NREP: variants seen among roughly 807,000 people sequenced by gnomAD.
NREP encodes the protein neuronal regeneration-related protein.
Under a neutral mutation model 8.6 loss-of-function variants are expected in NREP, and 5 were observed. The ratio of observed to expected loss-of-function variants is 0.58; its 90% CI spans 0.30 to 1.22. The LOEUF (loss-of-function observed/expected upper bound fraction) is 1.22, where lower values mean the gene tolerates loss of function less well. Among genes scored for constraint, NREP ranks in the 50% most tolerant of loss-of-function variants. The probability of loss-of-function intolerance (pLI) is 0.07; values close to 1 mark genes in which losing one functional copy is unlikely to be tolerated. For missense variants in NREP, 86 were observed against 82.5 expected, an observed-to-expected ratio of 1.04 and a Z score of -0.17; for synonymous variants, 27 against 28.0, an observed-to-expected ratio of 0.96 and a Z score of 0.11.
chr5:111,870,553 C>A (rs1410660021), intron 2 of NREP, among the ~76,000 whole-genome samples: 1 of 152,144 alleles, frequency 6.6e-6, no homozygotes, highest in Non-Finnish European at 1.5e-5. Context: ...TTCGGTATGT[C>A]TGGATTGGTT....
intron 2 of NREP, among the ~76,000 whole-genome samples, chr5:111,821,009 T>C (rs1236476829): frequency 6.6e-6 from 1 of 152,196 alleles, no homozygotes; most frequent in African/African-American, 2.4e-5. Context: ...GAATCCCCAG[T>C]CTTTCAGATT....
At chr5:111,955,171 G>T (rs549993982) in intron 2 of NREP, among the ~76,000 whole-genome samples, 1 of 152,208 alleles carries the variant, frequency 6.6e-6, no homozygotes, top group East Asian at 1.9e-4. Context: ...AAAAGGTTAT[G>T]GTGAGAGCCA....
intron 2 of NREP, among the ~76,000 whole-genome samples, chr5:111,898,823 G>C (rs1036519127): frequency 7.9e-5 from 12 of 152,090 alleles, no homozygotes; most frequent in Non-Finnish European, 1.8e-4. Flanking sequence ...AACACAAAGA[G>C]AATTCTGAAA....
rs1338362073 is a variant in NREP at position 111,730,161 on chromosome 5, G to C, written c.*760C>G. 6.6e-6 allele frequency: 1 copy of C among 152,510 alleles called. No homozygotes were observed. The highest frequency in any genetic ancestry group is 1.5e-5 in the Non-Finnish European group (1 of 68,034). The allele number at this position is 152,510 out of a possible 1,614,324, so 9.4% of individuals were successfully genotyped here. ...GTGAGCGCCAGCCAACGAGACAATGGTCTCTCACACTCTGGTAGCATTCGC... is the reference window on the plus strand; with the variant it reads ...GTGAGCGCCAGCCAACGAGACAATGCTCTCTCACACTCTGGTAGCATTCGC... On this transcript the variant is annotated 3_prime_UTR_variant, in exon 4 of 4. Transcript: ENST00000257435.
At chr5:111,891,877 C>T (rs945633470) in intron 2 of NREP, among the ~76,000 whole-genome samples, 1 of 152,196 alleles carries the variant, frequency 6.6e-6, no homozygotes, top group African/African-American at 2.4e-5. Context: ...CACCTCCCCT[C>T]AAGCCCCACT....
At chr5:111,734,658 G>T in intron 3 of NREP, 1 of 672,028 alleles carries the variant, frequency 1.5e-6, no homozygotes, top group Non-Finnish European at 2.7e-6. Context: ...TAACAGCTGG[G>T]GGAGGACTCA....
intron 2 of NREP, among the ~76,000 whole-genome samples, chr5:111,866,157 T>C (rs562483052): frequency 6.6e-6 from 1 of 152,252 alleles, no homozygotes; most frequent in South Asian, 2.1e-4. Context: ...AAATGGGATC[T>C]AATTAAACTA....
At chr5:111,875,886 C>T (rs577067576) in intron 2 of NREP, among the ~76,000 whole-genome samples, 8 of 152,204 alleles carry the variant, frequency 5.3e-5, no homozygotes, top group Non-Finnish European at 1.5e-5. Context: ...ATAGCTCTCT[C>T]CTACAGAGAG....
intron 2 of NREP, among the ~76,000 whole-genome samples, chr5:111,826,208 C>T (rs1449091218): frequency 2.0e-5 from 3 of 152,166 alleles, no homozygotes; most frequent in Non-Finnish European, 4.4e-5. Context: ...ACGCACCAAT[C>T]AGCACTCTGT....
At chr5:111,762,859 A>G (rs1156233752) in intron 2 of NREP, among the ~76,000 whole-genome samples, 4 of 152,176 alleles carry the variant, frequency 2.6e-5, no homozygotes, top group Admixed American at 2.0e-4. Flanking sequence ...TAGTATTTGC[A>G]TTTGTTATGA....
At chr5:111,932,982 G>A (rs1755583288) in intron 2 of NREP, among the ~76,000 whole-genome samples, 1 of 152,064 alleles carries the variant, frequency 6.6e-6, no homozygotes, top group Non-Finnish European at 1.5e-5. Flanking sequence ...CTGGAGCTGG[G>A]CCAAGTTTGA....
At chr5:111,892,035 A>G (rs1288321549) in intron 2 of NREP, among the ~76,000 whole-genome samples, 1 of 152,208 alleles carries the variant, frequency 6.6e-6, no homozygotes, top group African/African-American at 2.4e-5. Context: ...ACTAGAAAGC[A>G]ATAAGTAGAA....
chr5:111,777,357 T>C (rs903363184), intron 2 of NREP, among the ~76,000 whole-genome samples: 1 of 121,144 alleles, frequency 8.3e-6, no homozygotes, highest in Non-Finnish European at 1.7e-5. Context: ...TGTGTGTGAG[T>C]GTGTGTGTGT....
chr5:111,758,048 C>T, upstream of NREP: 2 of 985,558 alleles, frequency 2.0e-6, no homozygotes, highest in Non-Finnish European at 2.4e-6. Flanking sequence ...CCTGCGGCGG[C>T]GCGGAGCCGC....
At chr5:111,828,901 G>A (rs547303827) in intron 2 of NREP, among the ~76,000 whole-genome samples, 2 of 152,282 alleles carry the variant, frequency 1.3e-5, no homozygotes, top group South Asian at 4.2e-4. Context: ...GGACAGCACA[G>A]ATAATAGGCA....
chr5:111,962,669 A>G (rs1421126069), intron 2 of NREP, among the ~76,000 whole-genome samples: 2 of 152,052 alleles, frequency 1.3e-5, no homozygotes, highest in Non-Finnish European at 2.9e-5. Context: ...TTGTTAATTG[A>G]ATGTTGCCTT....
chr5:111,883,050 A>C (rs1754131182), intron 2 of NREP, among the ~76,000 whole-genome samples: 1 of 152,260 alleles, frequency 6.6e-6, no homozygotes, highest in Non-Finnish European at 1.5e-5. Flanking sequence ...TGAAGAGTCA[A>C]GACCCATCAG....
chr5:111,944,058 C>T (rs2112621464), intron 2 of NREP, among the ~76,000 whole-genome samples: 1 of 152,100 alleles, frequency 6.6e-6, no homozygotes. Context: ...TCTATCCCAC[C>T]TAGAATTTGT....
chr5:111,773,053 A>G (rs1387575477), intron 2 of NREP, among the ~76,000 whole-genome samples: 1 of 152,158 alleles, frequency 6.6e-6, no homozygotes, highest in Non-Finnish European at 1.5e-5. Context: ...TACATCATCT[A>G]TATGTCTCTA....
Sources: gnomAD v4.1 joint callset for allele counts (sites outside exome capture counted in the v4.1 genomes callset) on GRCh38, gnomAD v4.1.1 for gene constraint, MANE v1.5 for transcripts, NCBI Gene and HGNC (gene_info 2026-07-23, HGNC 2026-07-21) for gene names.